Variants in APBB2 observed in about 807,000 individuals in gnomAD.
APBB2 encodes Fe65-like 1.
Under a neutral mutation model 82.5 loss-of-function variants are expected in APBB2, and 38 were observed. The observed-to-expected ratio is 0.46, with a 90% CI of 0.36 to 0.60. The LOEUF (loss-of-function observed/expected upper bound fraction) is 0.60. APBB2 is among the 20% of genes least tolerant of loss of function. The probability of loss-of-function intolerance (pLI) is 0.00; values close to 1 mark genes in which losing one functional copy is unlikely to be tolerated. For synonymous variants in APBB2, 341 were observed against 368.2 expected (o/e 0.93, Z 0.85); for missense variants, 772 against 972.3 (o/e 0.79, Z 2.74).
chr4:40,836,044 T>C (rs184105685), intron 12 of APBB2, among the ~76,000 whole-genome samples: 1 of 152,214 alleles, frequency 6.6e-6, no homozygotes, highest in East Asian at 1.9e-4. Context: ...GGGGTGCTTG[T>C]GCTTGAGGAG....
intron 2 of APBB2, among the ~76,000 whole-genome samples, chr4:41,126,209 GTC>G (rs1392252444): frequency 6.9e-6 from 1 of 144,190 alleles, no homozygotes; most frequent in East Asian, 2.0e-4. Flanking sequence ...GTGAGATCGT[GTC>G]TCTACAAAAA....
At chr4:40,917,572 T>C (rs1295747694) in intron 10 of APBB2, among the ~76,000 whole-genome samples, 1 of 152,194 alleles carries the variant, frequency 6.6e-6, no homozygotes, top group Admixed American at 6.5e-5. Flanking sequence ...TGAGAAAATT[T>C]AGACTATCCA....
At chr4:41,186,301 G>T (rs1224368572) in intron 1 of APBB2, among the ~76,000 whole-genome samples, 2 of 152,008 alleles carry the variant, frequency 1.3e-5, no homozygotes, top group Non-Finnish European at 2.9e-5. Context: ...TCACTATTTT[G>T]CCAGCTCAAA....
chr4:41,038,475 C>G (rs1418386000), intron 4 of APBB2, among the ~76,000 whole-genome samples: 1 of 152,186 alleles, frequency 6.6e-6, no homozygotes, highest in Non-Finnish European at 1.5e-5. Context: ...CCTCCCCTGA[C>G]AGCCAGTCTA....
intron 1 of APBB2, among the ~76,000 whole-genome samples, chr4:41,146,340 A>C (rs1760725764): frequency 6.6e-6 from 1 of 150,384 alleles, no homozygotes; most frequent in Admixed American, 6.6e-5. Flanking sequence ...AAAAAAAAAA[A>C]AAAAAAAACC....
intron 2 of APBB2, among the ~76,000 whole-genome samples, chr4:41,129,887 G>T (rs1275277870): frequency 6.6e-6 from 1 of 152,036 alleles, no homozygotes; most frequent in African/African-American, 2.4e-5. Context: ...AAGTATGCAG[G>T]TATGTTAGAA....
chr4:40,820,123 A>G (rs888322255), intron 17 of APBB2, among the ~76,000 whole-genome samples: 10 of 152,228 alleles, frequency 6.6e-5, no homozygotes, highest in Non-Finnish European at 7.3e-5. Context: ...CCAGCCCGTA[A>G]GTGCGAGGCT....
chr4:41,131,930 C>T (rs1422665858), intron 2 of APBB2, among the ~76,000 whole-genome samples: 1 of 152,010 alleles, frequency 6.6e-6, no homozygotes, highest in Admixed American at 6.6e-5. Flanking sequence ...GTCCCAGCTA[C>T]TCAGGAGGCT....
intron 5 of APBB2, among the ~76,000 whole-genome samples, chr4:41,020,220 A>G (rs62412122): frequency 0.046 from 6,978 of 152,330 alleles, 338 homozygotes; most frequent in African/African-American, 0.12. Context: ...AAAGCACTGA[A>G]GCCACTGACA....
At chr4:40,820,697 A>G (rs975596031) in intron 17 of APBB2, among the ~76,000 whole-genome samples, 3 of 151,900 alleles carry the variant, frequency 2.0e-5, no homozygotes, top group African/African-American at 7.3e-5. Flanking sequence ...TCTAAATACA[A>G]TCAATTCAAT....
intron 4 of APBB2, among the ~76,000 whole-genome samples, chr4:41,056,550 GACACAGTT>G (rs1277298402): frequency 6.6e-6 from 1 of 152,086 alleles, no homozygotes; most frequent in Non-Finnish European, 1.5e-5. Flanking sequence ...GATTCTAAAT[GACACAGTT>G]ACCACCTTTG....
intron 6 of APBB2, among the ~76,000 whole-genome samples, chr4:40,948,188 A>G (rs1788980876): frequency 6.6e-6 from 1 of 152,238 alleles, no homozygotes; most frequent in Non-Finnish European, 1.5e-5. Context: ...GAGAAGTTCC[A>G]CAAGGAAAGG....
At chr4:41,135,548 T>C (rs1313980822) in intron 2 of APBB2, among the ~76,000 whole-genome samples, 1 of 152,166 alleles carries the variant, frequency 6.6e-6, no homozygotes, top group Admixed American at 6.5e-5. Flanking sequence ...ATTTGGACAA[T>C]ATAATCAAAT....
At chr4:40,995,826 G>C (rs10440197) in intron 6 of APBB2, among the ~76,000 whole-genome samples, 1 of 151,616 alleles carries the variant, frequency 6.6e-6, no homozygotes, top group African/African-American at 2.4e-5. Context: ...GTGAGCCACC[G>C]TGCCAGCCCT....
chr4:41,183,768 C>T (rs571147400), intron 1 of APBB2, among the ~76,000 whole-genome samples: 1 of 151,610 alleles, frequency 6.6e-6, no homozygotes, highest in African/African-American at 2.4e-5. Flanking sequence ...GCCAGTTGTC[C>T]CCAACCTTTT....
intron 10 of APBB2, among the ~76,000 whole-genome samples, chr4:40,934,144 G>A (rs1049580716): frequency 1.3e-5 from 2 of 152,196 alleles, no homozygotes; most frequent in Admixed American, 6.5e-5. Context: ...GCTTTGCAAG[G>A]CAGAGCCTGG....
rs1560446512 is a variant in APBB2, at chr4:40,982,287, AAGGAAGGAAGGAAG to A, written c.835+31282_835+31295del. On this transcript the variant is annotated intron_variant, in intron 6 of 17. Coordinates refer to ENST00000508593, the MANE Select transcript of APBB2 (RefSeq NM_004307.2). ...GAAAGAAAGAAAGAAAGAAAGAAGG[AAGGAAGGAAGGAAG>A]GAAGGAAAGAAAGAAAGAAAGAAAA... Among the ~76,000 whole-genome samples, 172 of 38,194 alleles carry A rather than the reference AAGGAAGGAAGGAAG, an allele frequency of 4.5e-3. 12 individuals carry two copies. Among genetic ancestry groups the A allele is most frequent in the Middle Eastern group, 8.9e-3 (1 of 112 alleles). 25.1% of individuals were successfully genotyped at this position (38,194 alleles called of 152,430 possible).
intron 12 of APBB2, among the ~76,000 whole-genome samples, chr4:40,874,522 G>T (rs1213610700): frequency 2.0e-5 from 3 of 152,116 alleles, no homozygotes; most frequent in Non-Finnish European, 4.4e-5. Flanking sequence ...GCAGGGCGGG[G>T]GGTGGAGATA....
chr4:40,971,552 G>T (rs1228340336), intron 6 of APBB2, among the ~76,000 whole-genome samples: 5 of 152,092 alleles, frequency 3.3e-5, no homozygotes, highest in Admixed American at 2.0e-4. Flanking sequence ...CCATTCTGAG[G>T]CTATTAGATA....
Sources: allele counts gnomAD v4.1 joint callset (sites outside exome capture counted in the v4.1 genomes callset), GRCh38; gene constraint gnomAD v4.1.1; transcripts MANE v1.5; gene names NCBI Gene and HGNC (gene_info 2026-07-23, HGNC 2026-07-21).